Variants in SNTG1 observed in about 807,000 individuals in gnomAD.
SNTG1 encodes the protein syntrophin gamma 1, also known as gamma-1-syntrophin.
A neutral mutation model predicts 74.7 loss-of-function variants in SNTG1; 39 were observed. The observed-to-expected ratio is 0.52, with a 90% CI of 0.40 to 0.68. The LOEUF (loss-of-function observed/expected upper bound fraction) is 0.68. Ranked by LOEUF, SNTG1 falls within the 30% of genes least tolerant of loss-of-function variation. The probability of loss-of-function intolerance (pLI) is 0.00; values close to 1 mark genes in which losing one functional copy is unlikely to be tolerated. For missense variants in SNTG1, 685 were observed against 609.5 expected, an observed-to-expected ratio of 1.12 and a Z score of -1.30; for synonymous variants, 254 against 217.1, an observed-to-expected ratio of 1.17 and a Z score of -1.49.
chr8:50,432,377 ATGC>A (rs1563378479), intron 4 of SNTG1, among the ~76,000 whole-genome samples: 1 of 152,044 alleles, frequency 6.6e-6, no homozygotes, highest in Non-Finnish European at 1.5e-5. Context: ...AGTGGTCTAA[ATGC>A]TTTTTCTGTC....
chr8:49,980,301 A>C (rs1812553982), intron 1 of SNTG1, among the ~76,000 whole-genome samples: 1 of 152,116 alleles, frequency 6.6e-6, no homozygotes, highest in African/African-American at 2.4e-5. Flanking sequence ...TGTTTGGCCC[A>C]GTAGCCATTC....
intron 12 of SNTG1, among the ~76,000 whole-genome samples, chr8:50,563,211 T>C (rs2094497996): frequency 6.6e-6 from 1 of 152,190 alleles, no homozygotes; most frequent in South Asian, 2.1e-4. Flanking sequence ...CTACTGCCTG[T>C]ATCCTTGTAT....
chr8:50,735,215 T>A (rs562433001), intron 17 of SNTG1, among the ~76,000 whole-genome samples: 1 of 151,734 alleles, frequency 6.6e-6, no homozygotes, highest in Admixed American at 6.6e-5. Flanking sequence ...TAACATTGGA[T>A]CTAAAGACAC....
chr8:50,537,464 T>C (rs148505999), intron 11 of SNTG1, among the ~76,000 whole-genome samples: 2 of 152,320 alleles, frequency 1.3e-5, no homozygotes, highest in East Asian at 1.9e-4. Flanking sequence ...TTTTAGTAAG[T>C]GTAAGATAAG....
At position 50,019,272 on chromosome 8, in the gene SNTG1, G is replaced by A. The variant is rs146130521; in HGVS notation, c.-103+107041G>A. 8.8e-3 allele frequency among the ~76,000 whole-genome samples: 1,337 copies of A among 152,148 alleles called. 18 individuals are homozygous for A. The highest frequency in any genetic ancestry group is 0.031 in the African/African-American group (1,270 of 41,550). Reference sequence around the variant, plus strand: ...GCAGAAAAATTTTCATTGTCTTTCTGATAGATTTGAAGAAAATGATGTAAG... The same window carrying A: ...GCAGAAAAATTTTCATTGTCTTTCTAATAGATTTGAAGAAAATGATGTAAG... On this transcript the variant is annotated intron_variant, in intron 1 of 18. Transcript: ENST00000642720.
intron 17 of SNTG1, among the ~76,000 whole-genome samples, chr8:50,729,719 AG>A (rs1403106974): frequency 2.0e-5 from 3 of 152,202 alleles, no homozygotes; most frequent in Admixed American, 6.5e-5. Context: ...CTGTATGTAA[AG>A]AGGAAGGGAG....
chr8:50,117,251 G>T (rs1470181995), intron 1 of SNTG1, among the ~76,000 whole-genome samples: 1 of 151,780 alleles, frequency 6.6e-6, no homozygotes, highest in Non-Finnish European at 1.5e-5. Context: ...ACACAATTTG[G>T]ACTTGTCATG....
At chr8:50,445,169 G>C (rs892312074) in intron 5 of SNTG1, among the ~76,000 whole-genome samples, 2 of 152,074 alleles carry the variant, frequency 1.3e-5, no homozygotes, top group African/African-American at 4.8e-5. Flanking sequence ...AAAATCAAAC[G>C]AAGTATGTTG....
chr8:50,506,181 G>T (rs1191020611), intron 9 of SNTG1, among the ~76,000 whole-genome samples: 1 of 151,976 alleles, frequency 6.6e-6, no homozygotes. Flanking sequence ...TTAATTTTGG[G>T]ATTATTCCGT....
At chr8:50,479,696 G>C (rs2093724669) in intron 8 of SNTG1, among the ~76,000 whole-genome samples, 1 of 151,976 alleles carries the variant, frequency 6.6e-6, no homozygotes, top group South Asian at 2.1e-4. Flanking sequence ...GTGGACTCTG[G>C]GCCCCTGTGC....
chr8:50,110,558 C>T (rs1305031414), intron 1 of SNTG1, among the ~76,000 whole-genome samples: 1 of 152,150 alleles, frequency 6.6e-6, no homozygotes, highest in Non-Finnish European at 1.5e-5. Context: ...CTTAGCACTC[C>T]TGCAGATGCA....
At chr8:50,667,665 A>G (rs1307133422) in intron 15 of SNTG1, among the ~76,000 whole-genome samples, 1 of 152,056 alleles carries the variant, frequency 6.6e-6, no homozygotes, top group African/African-American at 2.4e-5. Context: ...TTTGCAACAC[A>G]TACAATTTTG....
At chr8:50,191,413 G>A (rs1303576163) in intron 2 of SNTG1, among the ~76,000 whole-genome samples, 1 of 152,080 alleles carries the variant, frequency 6.6e-6, no homozygotes, top group Non-Finnish European at 1.5e-5. Flanking sequence ...TATGCCAGGT[G>A]AATCAGTAAG....
chr8:50,040,194 T>C (rs981557387), intron 1 of SNTG1, among the ~76,000 whole-genome samples: 2 of 152,196 alleles, frequency 1.3e-5, no homozygotes, highest in Non-Finnish European at 2.9e-5. Context: ...CACTGATGTC[T>C]CTGCCTTGCC....
chr8:50,311,001 C>G (rs2090090575), intron 2 of SNTG1, among the ~76,000 whole-genome samples: 3 of 152,192 alleles, frequency 2.0e-5, no homozygotes, highest in African/African-American at 7.2e-5. Context: ...CAAGATCACA[C>G]AGCTACTTAA....
At chr8:50,151,941 C>G (rs1416569848) in intron 1 of SNTG1, among the ~76,000 whole-genome samples, 20 of 152,136 alleles carry the variant, frequency 1.3e-4, no homozygotes. Flanking sequence ...TGGTGCCGAG[C>G]TGAGTTCAAT....
chr8:49,924,873 G>A (rs1806874957), intron 1 of SNTG1, among the ~76,000 whole-genome samples: 1 of 151,956 alleles, frequency 6.6e-6, no homozygotes, highest in Non-Finnish European at 1.5e-5. Context: ...CTATTGGCCA[G>A]GTGTAGTGGC....
intron 2 of SNTG1, among the ~76,000 whole-genome samples, chr8:50,177,313 C>T (rs2083035622): frequency 6.6e-6 from 1 of 152,100 alleles, no homozygotes; most frequent in Non-Finnish European, 1.5e-5. Flanking sequence ...TGCCTTCTTT[C>T]CAAATTTCAG....
At position 50,750,882 on chromosome 8, in the gene SNTG1, A is replaced by G. The variant is rs1297359101; in HGVS notation, c.1285-1119A>G. On this transcript the variant is annotated intron_variant, in intron 17 of 18. Transcript: ENST00000642720. ...CGTGGTGGTCTGGAACAAAATCCACAAAAGCCCTGAGGTATGCCTGTATAT... is the reference window on the plus strand; with the variant it reads ...CGTGGTGGTCTGGAACAAAATCCACGAAAGCCCTGAGGTATGCCTGTATAT... Among the ~76,000 whole-genome samples, 3 of 151,952 alleles carry G rather than the reference A, an allele frequency of 2.0e-5. No homozygotes were observed. In the East Asian group the frequency reaches 5.9e-4, roughly 30 times the overall value.
Sources: allele counts gnomAD v4.1 joint callset (sites outside exome capture counted in the v4.1 genomes callset), GRCh38; gene constraint gnomAD v4.1.1; transcripts MANE v1.5; gene names NCBI Gene and HGNC (gene_info 2026-07-23, HGNC 2026-07-21).